Variants in PDGFRL observed in about 807,000 individuals in gnomAD.
The protein encoded by PDGFRL is platelet-derived growth factor receptor-like protein.
A neutral mutation model predicts 37.2 loss-of-function variants in PDGFRL; 46 were observed. That is an observed-to-expected ratio of 1.24 (90% CI 0.98 to 1.58). The LOEUF is 1.58. PDGFRL is among the 40% of genes most tolerant of loss of function. PDGFRL has a pLI of 0.00. For missense variants in PDGFRL, 692 were observed against 467.6 expected (o/e 1.48, Z -4.43); for synonymous variants, 251 against 184.3 (o/e 1.36, Z -2.93).
At chr8:17,616,165 T>G (rs1804521281) in intron 2 of PDGFRL, among the ~76,000 whole-genome samples, 1 of 144,266 alleles carries the variant, frequency 6.9e-6, no homozygotes. Flanking sequence ...ATTTTATTAT[T>G]GTTATTATTT....
At chr8:17,623,589 C>T (rs975264010) in intron 3 of PDGFRL, among the ~76,000 whole-genome samples, 1 of 152,098 alleles carries the variant, frequency 6.6e-6, no homozygotes, top group Non-Finnish European at 1.5e-5. Flanking sequence ...ATATTATGGG[C>T]TCTTGGCCAG....
At position 17,582,595 on chromosome 8, in the gene PDGFRL, A is replaced by C. The variant is rs1034748000; in HGVS notation, c.55+5288A>C. Reference sequence around the variant, plus strand: ...GACTCTGTCTCAAAAAAAAAAAAAAAAAAAACTTAGGCTCAAGATCAATTA... The same window carrying C: ...GACTCTGTCTCAAAAAAAAAAAAAACAAAAACTTAGGCTCAAGATCAATTA... On this transcript the variant is annotated intron_variant, in intron 1 of 5. Coordinates refer to ENST00000251630, the MANE Select transcript of PDGFRL (RefSeq NM_001372073.1). Among the ~76,000 whole-genome samples, 4 of 152,086 alleles carry C rather than the reference A, an allele frequency of 2.6e-5. No homozygotes were observed. The South Asian group carries it at 6.2e-4, about 24-fold the overall frequency.
chr8:17,586,636 G>A (rs537632956), intron 1 of PDGFRL, among the ~76,000 whole-genome samples: 1 of 151,650 alleles, frequency 6.6e-6, no homozygotes. Flanking sequence ...GATCTCATGT[G>A]ACAACCATAA....
chr8:17,597,303 G>A (rs1257736971), intron 2 of PDGFRL, among the ~76,000 whole-genome samples: 2 of 152,214 alleles, frequency 1.3e-5, no homozygotes, highest in Admixed American at 6.5e-5. Context: ...TTTCAGGCAT[G>A]AGCCTCCTCG....
At chr8:17,629,359 T>C (rs1804813337) in intron 4 of PDGFRL, among the ~76,000 whole-genome samples, 1 of 147,522 alleles carries the variant, frequency 6.8e-6, no homozygotes, top group Non-Finnish European at 1.5e-5. Flanking sequence ...TCGTTCACTC[T>C]GGTGCTGCCT....
At chr8:17,594,476 A>G (rs1344013896) in intron 2 of PDGFRL, among the ~76,000 whole-genome samples, 1 of 152,028 alleles carries the variant, frequency 6.6e-6, no homozygotes, top group African/African-American at 2.4e-5. Flanking sequence ...CCTGACCTCA[A>G]CTGATCTGTC....
chr8:17,577,146 C>G, upstream of PDGFRL: 2 of 1,482,346 alleles, frequency 1.3e-6, no homozygotes, highest in Middle Eastern at 2.3e-4. Flanking sequence ...AAACCGAATC[C>G]TCCCGCTTCG....
chr8:17,588,294 A>C (rs1046738866), intron 1 of PDGFRL, among the ~76,000 whole-genome samples: 6 of 152,174 alleles, frequency 3.9e-5, no homozygotes, highest in Non-Finnish European at 7.3e-5. Flanking sequence ...ACTCTTTAAT[A>C]ATAAGCATTT....
chr8:17,632,282 C>T (rs1339461875), intron 4 of PDGFRL, among the ~76,000 whole-genome samples: 2 of 152,124 alleles, frequency 1.3e-5, no homozygotes, highest in Admixed American at 1.3e-4. Flanking sequence ...TATGTGAATA[C>T]CTTCTCATTT....
At chr8:17,635,555 T>G (rs543734381) in intron 5 of PDGFRL, among the ~76,000 whole-genome samples, 1 of 152,344 alleles carries the variant, frequency 6.6e-6, no homozygotes, top group Non-Finnish European at 1.5e-5. Flanking sequence ...GGTTCCATAT[T>G]TTTGCACTTG....
At chr8:17,609,667 A>AAAAC (rs1804365721) in intron 2 of PDGFRL, among the ~76,000 whole-genome samples, 1 of 86,450 alleles carries the variant, frequency 1.2e-5, no homozygotes, top group African/African-American at 4.9e-5. Context: ...AAAAAAAAAT[A>AAAAC]AGAGCCAAAG....
chr8:17,582,159 A>G (rs1351554496), intron 1 of PDGFRL, among the ~76,000 whole-genome samples: 4 of 152,296 alleles, frequency 2.6e-5, no homozygotes, highest in Admixed American at 1.3e-4. Context: ...AGGCCTTAGC[A>G]AAGAACTTGG....
chr8:17,630,642 C>T (rs1037876610), intron 4 of PDGFRL, among the ~76,000 whole-genome samples: 21 of 152,314 alleles, frequency 1.4e-4, no homozygotes, highest in Middle Eastern at 3.4e-3. Flanking sequence ...CCCCTCCCCT[C>T]CCCTCCCCTC....
chr8:17,605,239 A>G (rs556857317), intron 2 of PDGFRL, among the ~76,000 whole-genome samples: 59 of 152,326 alleles, frequency 3.9e-4, no homozygotes, highest in African/African-American at 1.4e-3. Context: ...CATTGCCTTC[A>G]GAAGAAAGAC....
chr8:17,627,650 A>G (rs1489691721), intron 3 of PDGFRL, among the ~76,000 whole-genome samples: 1 of 147,186 alleles, frequency 6.8e-6, no homozygotes, highest in Non-Finnish European at 1.5e-5. Context: ...TTTTTTTTTT[A>G]TTTTTAGTTG....
At chr8:17,618,912 G>GATCA (rs1459855095) in intron 2 of PDGFRL, among the ~76,000 whole-genome samples, 1 of 151,914 alleles carries the variant, frequency 6.6e-6, no homozygotes, top group Non-Finnish European at 1.5e-5. Flanking sequence ...CCTGAGAGTC[G>GATCA]ATCCTAATTA....
chr8:17,583,775 G>A (rs1265403845), intron 1 of PDGFRL, among the ~76,000 whole-genome samples: 1 of 152,048 alleles, frequency 6.6e-6, no homozygotes, highest in Non-Finnish European at 1.5e-5. Context: ...GTTAAAAGGA[G>A]GCTTGCACCT....
At chr8:17,599,445 G>A (rs1182884709) in intron 2 of PDGFRL, among the ~76,000 whole-genome samples, 1 of 152,106 alleles carries the variant, frequency 6.6e-6, no homozygotes, top group Non-Finnish European at 1.5e-5. Context: ...CCAATTCTGG[G>A]CTCTGTCATT....
intron 2 of PDGFRL, among the ~76,000 whole-genome samples, chr8:17,620,340 T>C (rs1191268059): frequency 6.6e-6 from 1 of 152,226 alleles, no homozygotes; most frequent in Non-Finnish European, 1.5e-5. Flanking sequence ...AAAATAATAT[T>C]CATATTTTCT....
Sources: allele counts gnomAD v4.1 joint callset (sites outside exome capture counted in the v4.1 genomes callset), GRCh38; gene constraint gnomAD v4.1.1; transcripts MANE v1.5; gene names NCBI Gene and HGNC (gene_info 2026-07-23, HGNC 2026-07-21).